AFAP1L2: variants seen among roughly 807,000 people sequenced by gnomAD.
AFAP1L2 encodes actin filament-associated protein 1-like 2.
AFAP1L2 carries 46 observed loss-of-function variants against 99.3 expected under a neutral mutation model. That is an observed-to-expected ratio of 0.46 (90% CI 0.37 to 0.59). AFAP1L2 has a LOEUF of 0.59. Among genes scored for constraint, AFAP1L2 ranks in the 20% least tolerant of loss-of-function variants. The pLI, the probability that AFAP1L2 is intolerant of heterozygous loss-of-function variation, is 0.00. For missense variants in AFAP1L2, 959 were observed against 1,034.9 expected, an observed-to-expected ratio of 0.93 and a Z score of 1.01; for synonymous variants, 397 against 419.1, an observed-to-expected ratio of 0.95 and a Z score of 0.64.
At chr10:114,394,532 G>A (rs1344587462) in intron 1 of AFAP1L2, among the ~76,000 whole-genome samples, 1 of 152,152 alleles carries the variant, frequency 6.6e-6, no homozygotes, top group African/African-American at 2.4e-5. Flanking sequence ...TCAAGATCCA[G>A]GAGACCTGGA....
chr10:114,315,605 TC>T lies in AFAP1L2; in HGVS notation c.566del (p.Gly189AspfsTer30). On this transcript the variant is annotated frameshift_variant, in exon 6 of 19. Coordinates refer to ENST00000304129, the MANE Select transcript of AFAP1L2 (RefSeq NM_001001936.3). LOFTEE classifies it high-confidence loss of function. Reference protein sequence around the residue: ...CAFLWRKKWLGQWAKQLCVIK... With the variant: ...CAFLWRKKWLXQWAKQLCVIK... ...TGACACAGAGCTGCTTGGCCCACTGTCCCAGCCACTTCTTGCGCCACAGGAA... is the reference window on the plus strand; with the variant it reads ...TGACACAGAGCTGCTTGGCCCACTGTCCAGCCACTTCTTGCGCCACAGGAA... 6.2e-7 allele frequency: 1 copy of T among 1,613,528 alleles called. No homozygotes were observed. Among genetic ancestry groups the T allele is most frequent in the Non-Finnish European group, 8.5e-7 (1 of 1,179,956 alleles).
chr10:114,334,181 C>G (rs1307467704), intron 2 of AFAP1L2, among the ~76,000 whole-genome samples: 1 of 152,206 alleles, frequency 6.6e-6, no homozygotes. Flanking sequence ...ACAATCCATG[C>G]CTCCTTTAAA....
chr10:114,287,309 T>A, the AFAP1L2 span, among the ~76,000 whole-genome samples: 1 of 152,094 alleles, frequency 6.6e-6, no homozygotes, highest in South Asian at 2.1e-4. Flanking sequence ...GCCTCCAGAA[T>A]AGCCAGGACT....
the AFAP1L2 span, chr10:114,286,013 G>A: frequency 4.3e-6 from 7 of 1,613,980 alleles, no homozygotes; most frequent in African/African-American, 4.0e-5. Flanking sequence ...CACTCTGGAC[G>A]GCTTCCTGCG....
the AFAP1L2 span, among the ~76,000 whole-genome samples, chr10:114,282,843 C>G: frequency 6.6e-6 from 1 of 152,154 alleles, no homozygotes; most frequent in Non-Finnish European, 1.5e-5. Context: ...CGAGCACCAG[C>G]TTTGCAGACA....
intron 7 of AFAP1L2, among the ~76,000 whole-genome samples, chr10:114,310,740 C>T (rs1370012749): frequency 6.6e-6 from 1 of 152,108 alleles, no homozygotes; most frequent in African/African-American, 2.4e-5. Context: ...TGACCAGAGC[C>T]ACCAGCCCAG....
chr10:114,366,381 G>A (rs768716534), intron 1 of AFAP1L2, among the ~76,000 whole-genome samples: 44 of 152,166 alleles, frequency 2.9e-4, no homozygotes, highest in Non-Finnish European at 4.1e-4. Flanking sequence ...ATGATCAATG[G>A]AAGGGCAGTG....
Position 114,386,986 on chromosome 10 carries a change from G to T in AFAP1L2, c.16+17454C>A, listed in dbSNP as rs114618607. The stretch of plus-strand genomic sequence containing the variant: ...TCCCTTACTGAGCCTTCACTTCCCT[G>T]TCCAAGTGATCCTGTATCTAATTGT... On this transcript the variant is annotated intron_variant, in intron 1 of 18. Transcript: ENST00000304129. 5.0e-3 allele frequency among the ~76,000 whole-genome samples: 764 copies of T among 152,308 alleles called. 6 individuals carry two copies. The highest frequency in any genetic ancestry group is 0.017 in the African/African-American group (724 of 41,558).
At position 114,295,094 on chromosome 10, in the gene AFAP1L2, G is replaced by A. The variant is rs1245106991; in HGVS notation, c.*948C>T. ...GAACAGCACTGCCAATTTTAAGAGG[G>A]CGATCACCCTAACCAAAAATCACCA... On this transcript the variant is annotated 3_prime_UTR_variant, in exon 19 of 19. Coordinates refer to ENST00000304129, the MANE Select transcript of AFAP1L2 (RefSeq NM_001001936.3). 1.0e-6 allele frequency: 1 copy of A among 984,670 alleles called. No homozygotes were observed. Among genetic ancestry groups the A allele is most frequent in the Non-Finnish European group, 1.2e-6 (1 of 829,816 alleles). The allele number at this position is 984,670 out of a possible 1,614,324, so 61.0% of individuals were successfully genotyped here. A position where few individuals can be genotyped will look rare whatever the true frequency, so the allele number is the denominator to read the frequency against.
intron 7 of AFAP1L2, among the ~76,000 whole-genome samples, chr10:114,312,248 T>A (rs1160177606): frequency 9.7e-5 from 1 of 10,316 alleles, no homozygotes; most frequent in African/African-American, 1.3e-4. Context: ...TGTGTGTGTG[T>A]GTGTGTGTGT....
rs919869072 is a variant in AFAP1L2 at position 114,376,518 on chromosome 10, T to C, written c.16+27922A>G. Among the ~76,000 whole-genome samples the C allele has an allele frequency of 2.0e-5, 3 of 152,346 alleles. No individual in the cohort carries two copies. The East Asian group carries it at 5.8e-4, about 29-fold the overall frequency. Reference sequence around the variant, plus strand: ...TTGTTTTAACATGGGGTAGAGCCTATTCAGCTTCTCTTACTCAGAAGAATC... The same window carrying C: ...TTGTTTTAACATGGGGTAGAGCCTACTCAGCTTCTCTTACTCAGAAGAATC... On this transcript the variant is annotated intron_variant, in intron 1 of 18. Coordinates refer to ENST00000304129, the MANE Select transcript of AFAP1L2 (RefSeq NM_001001936.3).
chr10:114,282,373 G>A, the AFAP1L2 span: 1 of 676,458 alleles, frequency 1.5e-6, no homozygotes, highest in East Asian at 2.8e-5. Flanking sequence ...AGTTAGGGTA[G>A]AATCAAGAAA....
intron 2 of AFAP1L2, 61 bp downstream of exon 2, chr10:114,340,542 C>A (rs2048667839): frequency 3.2e-6 from 5 of 1,558,388 alleles, no homozygotes; most frequent in South Asian, 1.2e-5. Flanking sequence ...GCAGCCCGCA[C>A]TGACTCACAA....
chr10:114,342,026 A>G (rs1490352110), intron 1 of AFAP1L2, among the ~76,000 whole-genome samples: 1 of 152,238 alleles, frequency 6.6e-6, no homozygotes, highest in Non-Finnish European at 1.5e-5. Context: ...GTGACCTGAG[A>G]AAACAAGTGT....
intron 1 of AFAP1L2, among the ~76,000 whole-genome samples, chr10:114,379,903 G>T (rs1378080550): frequency 6.6e-6 from 1 of 152,250 alleles, no homozygotes; most frequent in Non-Finnish European, 1.5e-5. Flanking sequence ...CCTGGGAAGA[G>T]ATGATGATTT....
At chr10:114,304,056 G>A (rs2041697795) in intron 11 of AFAP1L2, among the ~76,000 whole-genome samples, 1 of 152,328 alleles carries the variant, frequency 6.6e-6, no homozygotes, top group Admixed American at 6.5e-5. Context: ...ACCTCTGAAT[G>A]GATGAATATA....
Position 114,295,102 on chromosome 10 carries a change from C to T in AFAP1L2, c.*940G>A, listed in dbSNP as rs772546184. On this transcript the variant is annotated 3_prime_UTR_variant, in exon 19 of 19. Coordinates refer to ENST00000304129, the MANE Select transcript of AFAP1L2 (RefSeq NM_001001936.3). ...CTGCCAATTTTAAGAGGGCGATCAC[C>T]CTAACCAAAAATCACCACTTTGTTC... The T allele has an allele frequency of 3.6e-4, 354 of 984,584 alleles. No homozygotes were observed. Among genetic ancestry groups the T allele is most frequent in the Non-Finnish European group, 4.2e-4 (346 of 829,776 alleles). The allele number at this position is 984,584 out of a possible 1,614,324, so 61.0% of individuals were successfully genotyped here.
rs1564782833 is a variant in AFAP1L2, at chr10:114,300,204, C to G, written c.1947G>C (p.Val649=). The G allele has an allele frequency of 1.2e-6, 2 of 1,614,188 alleles. No individual in the cohort carries two copies. Among genetic ancestry groups the G allele is most frequent in the South Asian group, 2.2e-5 (2 of 91,060 alleles). Residue 649 remains valine (V), a synonymous_variant, in exon 15 of 19, where the codon GTG becomes GTC. Coordinates refer to ENST00000304129, the MANE Select transcript of AFAP1L2 (RefSeq NM_001001936.3). ...CCCAAGCACAAGTACCTGCACTGGT[C>G]ACGCGCAACCTGTCCTTCACAGGTG... The part of the protein sequence containing the change: ...ASPPVKDRLR[V]TSAEIKLGKN...
chr10:114,301,263 G>A, intron 13 of AFAP1L2, 91 bp downstream of exon 13: 1 of 1,081,548 alleles, frequency 9.2e-7, no homozygotes, highest in South Asian at 1.3e-5. Flanking sequence ...CTCATCTCAG[G>A]GATACTCTAA....
Sources: gnomAD v4.1 joint callset for allele counts (sites outside exome capture counted in the v4.1 genomes callset) on GRCh38, gnomAD v4.1.1 for gene constraint, MANE v1.5 for transcripts, NCBI Gene and HGNC (gene_info 2026-07-23, HGNC 2026-07-21) for gene names.